Variants in STXBP4 observed in about 807,000 individuals in gnomAD.
STXBP4 encodes syntaxin binding protein 4, also known as syntaxin-binding protein 4.
STXBP4 carries 55 observed loss-of-function variants against 76.1 expected under a neutral mutation model. The ratio of observed to expected loss-of-function variants is 0.72; its 90% CI spans 0.58 to 0.91. STXBP4 has a LOEUF of 0.91. Ranked by LOEUF, STXBP4 falls within the 40% of genes least tolerant of loss-of-function variation. STXBP4 has a pLI of 0.00. For missense variants in STXBP4, 618 were observed against 636.9 expected (o/e 0.97, Z 0.32); for synonymous variants, 201 against 220.2 (o/e 0.91, Z 0.77).
intron 16 of STXBP4, among the ~76,000 whole-genome samples, chr17:55,085,258 A>G (rs2079310919): frequency 1.3e-5 from 2 of 152,182 alleles, no homozygotes; most frequent in Admixed American, 6.5e-5. Flanking sequence ...ACCTAATGCT[A>G]GATGACGAGT....
At chr17:55,044,010 A>G (rs1317213078) in intron 11 of STXBP4, 1 of 179,866 alleles carries the variant, frequency 5.6e-6, no homozygotes, top group African/African-American at 2.3e-5. Context: ...CACCATGCTC[A>G]ACTAATTTTT....
At chr17:55,183,242 C>G in the STXBP4 span, among the ~76,000 whole-genome samples, 3 of 152,154 alleles carry the variant, frequency 2.0e-5, no homozygotes, top group African/African-American at 7.2e-5. Flanking sequence ...TCTCAATCAA[C>G]CACCATAAAG....
chr17:55,082,040 C>A (rs12603606), intron 16 of STXBP4, among the ~76,000 whole-genome samples: 2 of 151,922 alleles, frequency 1.3e-5, no homozygotes, highest in Admixed American at 6.6e-5. Flanking sequence ...TATAATTTAC[C>A]TAACTATACC....
chr17:55,054,259 G>C (rs2078896627), intron 12 of STXBP4, among the ~76,000 whole-genome samples: 2 of 152,128 alleles, frequency 1.3e-5, no homozygotes, highest in Non-Finnish European at 2.9e-5. Context: ...GGCCAAGGTG[G>C]GTGGATCACT....
intron 12 of STXBP4, among the ~76,000 whole-genome samples, chr17:55,058,879 TTA>T (rs1308441955): frequency 2.0e-5 from 3 of 152,088 alleles, no homozygotes; most frequent in African/African-American, 7.2e-5. Context: ...TTTTATTTAT[TTA>T]TTTTTTTAAC....
At chr17:55,110,753 G>A (rs958576338) in intron 16 of STXBP4, among the ~76,000 whole-genome samples, 5 of 152,196 alleles carry the variant, frequency 3.3e-5, no homozygotes, top group South Asian at 2.1e-4. Flanking sequence ...TCTAAGAATA[G>A]GCGGCAGTCC....
intron 8 of STXBP4, among the ~76,000 whole-genome samples, chr17:55,008,791 T>C (rs546346067): frequency 1.3e-5 from 2 of 152,030 alleles, no homozygotes; most frequent in Non-Finnish European, 2.9e-5. Context: ...AATCTACTTT[T>C]AGGGGAGGAT....
intron 16 of STXBP4, among the ~76,000 whole-genome samples, chr17:55,096,191 T>C (rs1212040192): frequency 2.0e-5 from 3 of 152,192 alleles, no homozygotes. Context: ...AGGTTCATGC[T>C]GTTGCCCATG....
intron 4 of STXBP4, among the ~76,000 whole-genome samples, chr17:54,992,913 A>G (rs943255088): frequency 3.3e-5 from 5 of 151,878 alleles, no homozygotes; most frequent in African/African-American, 1.2e-4. Context: ...GAGTTTCACC[A>G]TGTTGGCCAG....
At chr17:55,178,208 T>C (rs889909081), downstream of STXBP4, among the ~76,000 whole-genome samples, 1 of 152,242 alleles carries the variant, frequency 6.6e-6, no homozygotes, top group Non-Finnish European at 1.5e-5. Flanking sequence ...CAAAAGCTAC[T>C]ATTTCTGAGT....
intron 16 of STXBP4, among the ~76,000 whole-genome samples, chr17:55,087,651 G>T (rs908012556): frequency 2.0e-5 from 3 of 152,258 alleles, no homozygotes; most frequent in East Asian, 1.9e-4. Flanking sequence ...CAGCTTTGTA[G>T]TATATTTTGA....
At chr17:55,106,297 T>TA (rs2079633980) in intron 16 of STXBP4, among the ~76,000 whole-genome samples, 2 of 150,806 alleles carry the variant, frequency 1.3e-5, no homozygotes, top group African/African-American at 2.5e-5. Context: ...TTTTTTTTTT[T>TA]ACTTTCCATT....
intron 12 of STXBP4, among the ~76,000 whole-genome samples, chr17:55,050,394 A>C (rs927662617): frequency 1.3e-5 from 2 of 152,164 alleles, no homozygotes; most frequent in African/African-American, 4.8e-5. Context: ...TCTCATAATA[A>C]AAGAAATGCC....
At position 55,118,961 on chromosome 17, in the gene STXBP4, A is replaced by AT. The variant is rs1567770547; in HGVS notation, c.1490-22349_1490-22348insT. On this transcript the variant is annotated intron_variant, in intron 16 of 17. Coordinates refer to ENST00000376352, the MANE Select transcript of STXBP4 (RefSeq NM_178509.6). ...ACTGATTTATATATATATATATATA[A>AT]ATATTTTATTATACTTTAAGTTCTA... 1.6e-4 allele frequency among the ~76,000 whole-genome samples: 24 copies of AT among 147,666 alleles called. 1 individual carries two copies. The highest frequency in any genetic ancestry group is 3.6e-3 in the Middle Eastern group (1 of 280).
At chr17:55,211,618 T>A in the STXBP4 span, among the ~76,000 whole-genome samples, 1 of 152,130 alleles carries the variant, frequency 6.6e-6, no homozygotes, top group Admixed American at 6.5e-5. Context: ...TTTATTTTGA[T>A]ATCCGATGCT....
Position 55,043,302 on chromosome 17 carries a change from T to C in STXBP4, c.922T>C (p.Leu308=). ...GCTCAAGTGTGAAAGAGATGATGCCTTGAAAGAAGTAAATACACTTAAGGT... is the reference window on the plus strand; with the variant it reads ...GCTCAAGTGTGAAAGAGATGATGCCCTGAAAGAAGTAAATACACTTAAGGT... ...ERLKCERDDA[L]KEVNTLKEKL... is the part of the protein sequence containing the mutation. Residue 308 remains leucine, a synonymous_variant, in exon 11 of 18, where the codon TTG becomes CTG. Coordinates refer to ENST00000376352, the MANE Select transcript of STXBP4 (RefSeq NM_178509.6). The C allele has an allele frequency of 6.5e-7, 1 of 1,528,368 alleles. No homozygotes were observed. 94.7% of individuals were successfully genotyped at this position (1,528,368 alleles called of 1,614,324 possible).
chr17:55,003,945 G>A (rs894767849), intron 7 of STXBP4, among the ~76,000 whole-genome samples: 1 of 151,990 alleles, frequency 6.6e-6, no homozygotes, highest in African/African-American at 2.4e-5. Flanking sequence ...GCTGAGACGG[G>A]CAGATCACTT....
intron 8 of STXBP4, among the ~76,000 whole-genome samples, chr17:55,014,605 G>A (rs965142198): frequency 1.3e-5 from 2 of 152,032 alleles, no homozygotes; most frequent in Admixed American, 6.6e-5. Context: ...CATACCCGGG[G>A]CTCTGTGAAG....
intron 4 of STXBP4, among the ~76,000 whole-genome samples, chr17:54,999,069 C>T (rs2077862961): frequency 7.4e-6 from 1 of 135,786 alleles, no homozygotes; most frequent in African/African-American, 2.5e-5. Context: ...GGTCCCTTTT[C>T]CTGGTATACT....
Sources: gnomAD v4.1 joint callset for allele counts (sites outside exome capture counted in the v4.1 genomes callset) on GRCh38, gnomAD v4.1.1 for gene constraint, MANE v1.5 for transcripts, NCBI Gene and HGNC (gene_info 2026-07-23, HGNC 2026-07-21) for gene names.